Variants in CCDC88C observed in about 807,000 individuals in gnomAD.
The protein encoded by CCDC88C is protein Daple.
CCDC88C carries 131 observed loss-of-function variants against 198.8 expected under a neutral mutation model. That is an observed-to-expected ratio of 0.66 (90% confidence interval 0.57 to 0.76). CCDC88C has a LOEUF of 0.76. Ranked by LOEUF, CCDC88C falls within the 30% of genes least tolerant of loss-of-function variation. CCDC88C has a pLI of 0.00. For synonymous variants in CCDC88C, 1,166 were observed against 1,114.7 expected (o/e 1.05, Z -0.92); for missense variants, 2,553 against 2,631.6 (o/e 0.97, Z 0.65).
chr14:91,378,418 T>A (rs1884591957), intron 3 of CCDC88C, among the ~76,000 whole-genome samples: 3 of 152,204 alleles, frequency 2.0e-5, no homozygotes, highest in Non-Finnish European at 4.4e-5. Context: ...GGTTAATTGT[T>A]CATGGCAGTC....
At chr14:91,315,939 C>T (rs918782040) in intron 13 of CCDC88C, 152 bp from the exon 14 acceptor site, 4 of 712,594 alleles carry the variant, frequency 5.6e-6, no homozygotes, top group Non-Finnish European at 9.2e-6. Flanking sequence ...CAACTCCCCA[C>T]ACCACAGCTG....
At chr14:91,411,228 G>A (rs1045058189) in intron 2 of CCDC88C, among the ~76,000 whole-genome samples, 3 of 152,054 alleles carry the variant, frequency 2.0e-5, no homozygotes, top group African/African-American at 4.8e-5. Flanking sequence ...CAGCACCCCC[G>A]TAACTCCCAC....
rs539403085 is a variant in CCDC88C, at chr14:91,397,351, C to T, written c.270+11308G>A. 2.8e-4 allele frequency among the ~76,000 whole-genome samples: 42 copies of T among 152,292 alleles called. No individual in the cohort carries two copies. The South Asian group carries it at 6.6e-3, about 24-fold the overall frequency. On this transcript the variant is annotated intron_variant, in intron 3 of 29. Coordinates refer to ENST00000389857, the MANE Select transcript of CCDC88C (RefSeq NM_001080414.4). ...CCGCAAAGGCTGAGGAAATGATGGCCGCTCCTGAAACAGGAGAAAAGCCCC... is the reference window on the plus strand; with the variant it reads ...CCGCAAAGGCTGAGGAAATGATGGCTGCTCCTGAAACAGGAGAAAAGCCCC...
At chr14:91,293,324 A>G (rs1445218598) in intron 23 of CCDC88C, among the ~76,000 whole-genome samples, 18 of 2,744 alleles carry the variant, frequency 6.6e-3, no homozygotes, top group South Asian at 0.011. Context: ...TCCCATCCTC[A>G]CCTGCCAAAG....
chr14:91,315,611 A>G (rs889192548), intron 14 of CCDC88C, 39 bp downstream of exon 14: 2 of 1,610,328 alleles, frequency 1.2e-6, no homozygotes, highest in African/African-American at 2.7e-5. Context: ...TCTTGCAGGC[A>G]GGGGTTCTAG....
At chr14:91,323,381 C>T (rs533554048) in intron 12 of CCDC88C, among the ~76,000 whole-genome samples, 1 of 152,328 alleles carries the variant, frequency 6.6e-6, no homozygotes, top group South Asian at 2.1e-4. Flanking sequence ...TCTTGTGAGG[C>T]AGGTTCATTA....
intron 4 of CCDC88C, 150 bp downstream of exon 4, chr14:91,359,492 A>T (rs1894200965): frequency 3.0e-6 from 2 of 661,604 alleles, no homozygotes; most frequent in Non-Finnish European, 5.4e-6. Context: ...CCTCAGGGTA[A>T]TGAACCCACT....
chr14:91,277,544 GCCCT>G (rs1459633921), intron 29 of CCDC88C, among the ~76,000 whole-genome samples: 1 of 152,100 alleles, frequency 6.6e-6, no homozygotes, highest in African/African-American at 2.4e-5. Context: ...TTCCTCTCTG[GCCCT>G]TTCAAGGTCC....
At chr14:91,285,769 G>A (rs1225772689) in intron 25 of CCDC88C, 1 of 1,289,116 alleles carries the variant, frequency 7.8e-7, no homozygotes, top group Non-Finnish European at 1.0e-6. Flanking sequence ...GAGCTGGGTG[G>A]GTCGTTGGAG....
At chr14:91,335,314 C>T (rs757813129) in intron 10 of CCDC88C, among the ~76,000 whole-genome samples, 1 of 152,138 alleles carries the variant, frequency 6.6e-6, no homozygotes, top group Non-Finnish European at 1.5e-5. Context: ...GCACGATGCA[C>T]GCTGCACACC....
At chr14:91,305,725 C>A in intron 19 of CCDC88C, 40 bp downstream of exon 19, 1 of 1,572,508 alleles carries the variant, frequency 6.4e-7, no homozygotes. Context: ...ATAAACATCC[C>A]GCCAGGCTTG....
chr14:91,362,008 C>T (rs766289292), intron 3 of CCDC88C, among the ~76,000 whole-genome samples: 29 of 151,964 alleles, frequency 1.9e-4, no homozygotes, highest in South Asian at 1.0e-3. Context: ...CCAAGGTGGG[C>T]GGATCACCTG....
chr14:91,375,112 T>G (rs1288900294), intron 3 of CCDC88C, among the ~76,000 whole-genome samples: 1 of 152,230 alleles, frequency 6.6e-6, no homozygotes, highest in Non-Finnish European at 1.5e-5. Flanking sequence ...AGTCTCCTTC[T>G]TGGGCTGTGG....
At chr14:91,367,893 G>A (rs1019816491) in intron 3 of CCDC88C, among the ~76,000 whole-genome samples, 5 of 151,908 alleles carry the variant, frequency 3.3e-5, no homozygotes, top group African/African-American at 7.3e-5. Flanking sequence ...GACCCTACTC[G>A]CCCTCCAAAG....
chr14:91,321,202 A>T lies in CCDC88C; in HGVS notation c.1445T>A (p.Leu482Gln), dbSNP rs772079556. Residue 482 changes from leucine (L) to glutamine (Q), a missense_variant, in exon 13 of 30, where the codon CTG becomes CAG. Leu to Gln is a moderately radical substitution (Grantham distance 113). Around this residue, in one of 2 missense-constraint regions of CCDC88C, gnomAD observed 1,260 missense variants for 1,412.0 expected, o/e 0.89. Coordinates refer to ENST00000389857, the MANE Select transcript of CCDC88C (RefSeq NM_001080414.4). ...CTCCAACACCAGGGACGCGTCCCGC[A>T]GCCCCTGGATGGTGCTCTGGAGGCT... Reference protein sequence around the residue: ...NQSLQSTIQGLRDASLVLEES... With the variant: ...NQSLQSTIQGQRDASLVLEES... The T allele has an allele frequency of 1.1e-5, 17 of 1,611,918 alleles. No individual in the cohort carries two copies. The highest frequency in any genetic ancestry group is 1.3e-5 in the African/African-American group (1 of 74,890).
Position 91,324,955 on chromosome 14 carries a change from G to T in CCDC88C, c.1198-32C>A, listed in dbSNP as rs748774886. 8.7e-6 allele frequency: 14 copies of T among 1,611,644 alleles called. 1 individual carries two copies. In the South Asian group the frequency reaches 1.3e-4, roughly 15 times the overall value. The stretch of plus-strand genomic sequence containing the variant: ...CAAGCAAGAAGAGGCAAGAAGTGAG[G>T]CTGCACAGCTGGAGATCCCCCTGGA... On this transcript the variant is annotated intron_variant, in intron 11 of 29. Transcript: ENST00000389857.
chr14:91,300,295 C>T (rs889918967), intron 20 of CCDC88C, among the ~76,000 whole-genome samples: 4 of 152,236 alleles, frequency 2.6e-5, no homozygotes, highest in Non-Finnish European at 4.4e-5. Flanking sequence ...CCTCTTCCTC[C>T]AGCCCGTTCT....
chr14:91,362,333 C>T (rs1481830309), intron 3 of CCDC88C, among the ~76,000 whole-genome samples: 2 of 152,170 alleles, frequency 1.3e-5, no homozygotes, highest in Non-Finnish European at 2.9e-5. Context: ...CCCTTTCCAA[C>T]TCTTGGCTAG....
intron 3 of CCDC88C, among the ~76,000 whole-genome samples, chr14:91,367,886 C>T (rs374733814): frequency 7.9e-5 from 12 of 152,274 alleles, no homozygotes; most frequent in African/African-American, 2.9e-4. Flanking sequence ...CCTGCCAGAC[C>T]CTACTCGCCC....
Sources: allele counts gnomAD v4.1 joint callset (sites outside exome capture counted in the v4.1 genomes callset), GRCh38; gene constraint gnomAD v4.1.1; regional missense constraint gnomAD v4.1.1; transcripts MANE v1.5; gene names NCBI Gene and HGNC (gene_info 2026-07-23, HGNC 2026-07-21).